The following UROC1 variants were observed in gnomAD, a reference collection of about 807,000 sequenced individuals.
The protein encoded by UROC1 is urocanate hydratase.
Under a neutral mutation model 89.5 loss-of-function variants are expected in UROC1, and 79 were observed. The observed-to-expected ratio is 0.88, with a 90% CI of 0.74 to 1.06. The LOEUF is 1.06. UROC1 is among the 50% of genes least tolerant of loss of function. UROC1 has a pLI of 0.00. For missense variants in UROC1, 885 were observed against 907.8 expected (o/e 0.97, Z 0.32); for synonymous variants, 361 against 354.8 (o/e 1.02, Z -0.20).
chr3:126,494,862 C>T (rs1195754831), intron 15 of UROC1, among the ~76,000 whole-genome samples: 1 of 150,528 alleles, frequency 6.6e-6, no homozygotes, highest in East Asian at 2.0e-4. Context: ...TGCACACACA[C>T]CCAGCAGAAA....
In UROC1 at chr3:126,498,037, A is replaced by C; in HGVS notation, c.1438+14T>G. 1 of 1,613,984 alleles carries C rather than the reference A, an allele frequency of 6.2e-7. No homozygotes were observed. The highest frequency in any genetic ancestry group is 8.5e-7 in the Non-Finnish European group (1 of 1,180,002). On this transcript the variant is annotated intron_variant, in intron 14 of 19. Coordinates refer to ENST00000290868, the MANE Select transcript of UROC1 (RefSeq NM_144639.3). Reference sequence around the variant, plus strand: ...GGGCCACCCACCCATGGGCATCCCCACCAATGGCGTCACCTCCATCAGCAA... The same window carrying C: ...GGGCCACCCACCCATGGGCATCCCCCCCAATGGCGTCACCTCCATCAGCAA...
chr3:126,501,566 T>A (rs548550784), intron 9 of UROC1, among the ~76,000 whole-genome samples: 2 of 152,328 alleles, frequency 1.3e-5, no homozygotes, highest in South Asian at 4.1e-4. Context: ...TTCGGGTTAT[T>A]GATGTGGGTC....
intron 9 of UROC1, among the ~76,000 whole-genome samples, chr3:126,502,822 T>C (rs1935966722): frequency 6.6e-6 from 1 of 151,784 alleles, no homozygotes. Context: ...TGTGTGCTTA[T>C]GTGTGTTAAG....
Position 126,510,790 on chromosome 3 carries a change from GC to G in UROC1, c.130del (p.Ala44ArgfsTer2). ...PSLSPVEKQL[A>X]LRNALRYFPP... ...GAAGTAGCGCAGGGCGTTCCTCAGC[GC>G]CAGCTGGGGTAGGAGAGCGGAGAGG... On this transcript the variant is annotated frameshift_variant, in exon 2 of 20. Coordinates refer to ENST00000290868, the MANE Select transcript of UROC1 (RefSeq NM_144639.3). LOFTEE classifies it high-confidence loss of function. 6.2e-7 allele frequency: 1 copy of G among 1,613,126 alleles called. No individual in the cohort carries two copies. The highest frequency in any genetic ancestry group is 8.5e-7 in the Non-Finnish European group (1 of 1,179,960).
chr3:126,508,693 G>T (rs1298878641), intron 3 of UROC1, among the ~76,000 whole-genome samples: 1 of 152,174 alleles, frequency 6.6e-6, no homozygotes, highest in African/African-American at 2.4e-5. Flanking sequence ...TCTGGGTCTG[G>T]GGTCACTCTG....
rs1560112837 is a variant in UROC1, at chr3:126,481,950, C to T, written c.*395G>A. ...AGGGTCCAGAAGTTGCTTGCACAGA[C>T]AGCAGATGGGCAGCAGACAGACAGA... is the stretch of plus-strand genomic sequence containing the variant. On this transcript the variant is annotated 3_prime_UTR_variant, in exon 20 of 20. Coordinates refer to ENST00000290868, the MANE Select transcript of UROC1 (RefSeq NM_144639.3). The T allele has an allele frequency of 3.4e-6, 1 of 292,720 alleles. No individual in the cohort carries two copies. Among genetic ancestry groups the T allele is most frequent in the East Asian group, 8.8e-5 (1 of 11,340 alleles). 18.1% of individuals were successfully genotyped at this position (292,720 alleles called of 1,614,324 possible). A position where few individuals can be genotyped will look rare whatever the true frequency, so the allele number is the denominator to read the frequency against.
At chr3:126,492,196 C>T (rs1318707143) in intron 16 of UROC1, among the ~76,000 whole-genome samples, 1 of 152,156 alleles carries the variant, frequency 6.6e-6, no homozygotes, top group Non-Finnish European at 1.5e-5. Context: ...AACCTGATCT[C>T]CCTAAAGAGG....
At chr3:126,505,882 C>T (rs752840741) in intron 7 of UROC1, 38 bp from the exon 8 acceptor site, 5 of 1,610,862 alleles carry the variant, frequency 3.1e-6, no homozygotes, top group South Asian at 1.1e-5. Context: ...TGCCCACTCC[C>T]AGCCCGCCCC....
intron 14 of UROC1, among the ~76,000 whole-genome samples, chr3:126,496,930 T>C (rs1316771829): frequency 6.6e-6 from 1 of 152,150 alleles, no homozygotes; most frequent in Non-Finnish European, 1.5e-5. Context: ...CTGGAGTCTT[T>C]ACTCCAGGGT....
intron 16 of UROC1, among the ~76,000 whole-genome samples, chr3:126,490,463 A>T (rs577143398): frequency 3.3e-5 from 5 of 152,272 alleles, no homozygotes; most frequent in African/African-American, 9.6e-5. Flanking sequence ...AAGGCAGGGG[A>T]TCACTTGAGG....
Position 126,482,171 on chromosome 3 carries a change from G to T in UROC1, c.*174C>A. ...AGCTGCATGTCTCTGGGCCTCAGGGGGCTGTCTGTAAAATGAGGCTGTGGT... is the reference window on the plus strand; with the variant it reads ...AGCTGCATGTCTCTGGGCCTCAGGGTGCTGTCTGTAAAATGAGGCTGTGGT... On this transcript the variant is annotated 3_prime_UTR_variant, in exon 20 of 20. Transcript: ENST00000290868. The T allele has an allele frequency of 1.2e-6, 1 of 859,644 alleles. No homozygotes were observed. The highest frequency in any genetic ancestry group is 1.7e-5 in the South Asian group (1 of 59,662). The allele number at this position is 859,644 out of a possible 1,614,324, so 53.3% of individuals were successfully genotyped here.
chr3:126,492,332 C>T, intron 16 of UROC1, 86 bp downstream of exon 16: 2 of 1,316,286 alleles, frequency 1.5e-6, no homozygotes, highest in Non-Finnish European at 2.1e-6. Flanking sequence ...TGGGGTGCAG[C>T]CGAGGCACAC....
At chr3:126,483,785 C>T (rs540545138) in intron 18 of UROC1, among the ~76,000 whole-genome samples, 87 of 152,378 alleles carry the variant, frequency 5.7e-4, no homozygotes, top group African/African-American at 2.0e-3. Flanking sequence ...ATAGCTGCCC[C>T]CTCCCTGCAT....
chr3:126,508,193 C>T, intron 4 of UROC1, 98 bp from the exon 5 acceptor site: 3 of 1,603,862 alleles, frequency 1.9e-6, no homozygotes, highest in Non-Finnish European at 8.5e-7. Flanking sequence ...CCCACAGGCC[C>T]CCAGGTCTCC....
rs750142445 is a variant in UROC1, at chr3:126,483,444, G to A, written c.1815C>T (p.Phe605=). Reference sequence around the variant, plus strand: ...CCGGGGTACCGTCCAGCACGAGGCCGAATCCCCCGTTGATCACCTCACCCC... The same window carrying A: ...CCGGGGTACCGTCCAGCACGAGGCCAAATCCCCCGTTGATCACCTCACCCC... ...VGWGEVINGG[F]GLVLDGTPEA... The change falls in exon 19 of 20, where the codon TTC becomes TTT. Residue 605 remains phenylalanine, a synonymous_variant. Coordinates refer to ENST00000290868, the MANE Select transcript of UROC1 (RefSeq NM_144639.3). 1.3e-5 allele frequency: 21 copies of A among 1,613,706 alleles called. No individual in the cohort carries two copies. Among genetic ancestry groups the A allele is most frequent in the African/African-American group, 5.3e-5 (4 of 74,940 alleles).
chr3:126,496,743 T>C (rs1405873964), intron 14 of UROC1, among the ~76,000 whole-genome samples: 3 of 152,212 alleles, frequency 2.0e-5, no homozygotes, highest in Non-Finnish European at 4.4e-5. Flanking sequence ...ATAAATATCA[T>C]TAAAATTTTA....
At chr3:126,504,181 T>C in intron 8 of UROC1, 98 bp from the exon 9 acceptor site, 1 of 1,238,874 alleles carries the variant, frequency 8.1e-7, no homozygotes, top group Non-Finnish European at 1.2e-6. Flanking sequence ...TCATCCCCTG[T>C]AGGTCCCTTG....
intron 10 of UROC1, 30 bp from the exon 11 acceptor site, chr3:126,500,904 G>T: frequency 6.3e-7 from 1 of 1,597,834 alleles, no homozygotes. Flanking sequence ...GTCAGTGCAA[G>T]CCACACACAG....
chr3:126,512,879 T>G (rs537000567), intron 1 of UROC1, among the ~76,000 whole-genome samples: 82 of 152,232 alleles, frequency 5.4e-4, no homozygotes, highest in Non-Finnish European at 5.6e-4. Flanking sequence ...ACTTGCACTA[T>G]TTCTTGATCG....
Sources: gnomAD v4.1 joint callset for allele counts (sites outside exome capture counted in the v4.1 genomes callset) on GRCh38, gnomAD v4.1.1 for gene constraint, MANE v1.5 for transcripts, NCBI Gene and HGNC (gene_info 2026-07-23, HGNC 2026-07-21) for gene names.